Variants in TMTC4 observed in about 807,000 individuals in gnomAD.
The protein encoded by TMTC4 is transmembrane O-mannosyltransferase targeting cadherins 4.
A neutral mutation model predicts 86.0 loss-of-function variants in TMTC4; 65 were observed. That is an observed-to-expected ratio of 0.76 (90% CI 0.62 to 0.93). The LOEUF (loss-of-function observed/expected upper bound fraction) is 0.93. TMTC4 is among the 40% of genes least tolerant of loss of function. The pLI, the probability that TMTC4 is intolerant of heterozygous loss-of-function variation, is 0.00. For synonymous variants in TMTC4, 379 were observed against 382.5 expected, an observed-to-expected ratio of 0.99 and a Z score of 0.11; for missense variants, 866 against 948.1, an observed-to-expected ratio of 0.91 and a Z score of 1.14.
At chr13:100,627,808 T>C (rs1880774296) in intron 12 of TMTC4, among the ~76,000 whole-genome samples, 1 of 152,142 alleles carries the variant, frequency 6.6e-6, no homozygotes, top group Non-Finnish European at 1.5e-5. Context: ...GTCACCACCA[T>C]GTTTATGTTC....
intron 17 of TMTC4, among the ~76,000 whole-genome samples, chr13:100,610,592 A>C (rs1454405319): frequency 1.3e-5 from 2 of 152,202 alleles, no homozygotes; most frequent in Admixed American, 6.5e-5. Context: ...ATTAAAATGC[A>C]AAATGTGTAG....
intron 3 of TMTC4, chr13:100,666,096 C>A (rs1886363357): frequency 2.2e-6 from 1 of 455,988 alleles, no homozygotes; most frequent in Non-Finnish European, 4.4e-6. Flanking sequence ...GGAGCCTCCA[C>A]AGCAGGGTGT....
At chr13:100,672,471 G>A (rs138151163) in intron 1 of TMTC4, among the ~76,000 whole-genome samples, 14 of 152,118 alleles carry the variant, frequency 9.2e-5, no homozygotes, top group African/African-American at 3.4e-4. Flanking sequence ...TGGCAGAGAC[G>A]GGGGACCACC....
At chr13:100,639,789 A>C (rs1882774361) in intron 7 of TMTC4, among the ~76,000 whole-genome samples, 1 of 151,770 alleles carries the variant, frequency 6.6e-6, no homozygotes, top group African/African-American at 2.4e-5. Flanking sequence ...AAAATACAAA[A>C]ATTAGCTGGA....
chr13:100,655,708 T>C (rs1222312993), intron 6 of TMTC4, among the ~76,000 whole-genome samples: 2 of 152,264 alleles, frequency 1.3e-5, no homozygotes, highest in Non-Finnish European at 2.9e-5. Context: ...TCTGCTCAGC[T>C]GTCCCCAAAC....
chr13:100,622,784 A>C (rs1237835304), intron 15 of TMTC4, among the ~76,000 whole-genome samples: 1 of 151,718 alleles, frequency 6.6e-6, no homozygotes, highest in Non-Finnish European at 1.5e-5. Flanking sequence ...TTTTAAATTT[A>C]TTATTATTAT....
Position 100,634,911 on chromosome 13 carries a change from C to G in TMTC4, c.1400G>C (p.Gly467Ala), listed in dbSNP as rs763813272. 6.2e-7 allele frequency: 1 copy of G among 1,614,114 alleles called. No individual in the cohort carries two copies. The highest frequency in any genetic ancestry group is 1.1e-5 in the South Asian group (1 of 91,056). The change falls in exon 12 of 19, where the codon GGA (glycine) becomes GCA (alanine). Residue 467 changes from glycine to alanine, a missense_variant. By Grantham distance (60) the Gly-to-Ala change is moderately conservative (BLOSUM62 0). Transcript: ENST00000342624. ...KKKLIAAVVLGILFINTLRCV... is the reference protein window; with the variant it reads ...KKKLIAAVVLAILFINTLRCV... ...TCTCAGCGTGTTGATGAATAAGATT[C>G]CCAGCACGACAGCGGCAATGAGTTT...
intron 5 of TMTC4, among the ~76,000 whole-genome samples, 192 bp downstream of exon 5, chr13:100,662,772 T>C (rs1183101802): frequency 2.0e-5 from 3 of 152,168 alleles, no homozygotes; most frequent in African/African-American, 7.2e-5. Context: ...CCAGACAGAA[T>C]TGTTTCAAAT....
At chr13:100,653,411 C>T (rs1472759379) in intron 6 of TMTC4, among the ~76,000 whole-genome samples, 1 of 152,050 alleles carries the variant, frequency 6.6e-6, no homozygotes, top group Non-Finnish European at 1.5e-5. Flanking sequence ...AGGGGCTGTT[C>T]TGATGTCGCC....
chr13:100,650,817 A>G (rs1329492556), intron 6 of TMTC4, among the ~76,000 whole-genome samples: 1 of 152,268 alleles, frequency 6.6e-6, no homozygotes, highest in Non-Finnish European at 1.5e-5. Context: ...CCTATCGGAC[A>G]TGAGTTAGCC....
intron 15 of TMTC4, among the ~76,000 whole-genome samples, chr13:100,619,809 T>C (rs1178545624): frequency 6.6e-6 from 1 of 152,228 alleles, no homozygotes; most frequent in African/African-American, 2.4e-5. Flanking sequence ...GATGTTCCAG[T>C]GATTCCTCAG....
chr13:100,674,933 G>A (rs1017084798), upstream of TMTC4: 26 of 985,104 alleles, frequency 2.6e-5, no homozygotes, highest in South Asian at 4.7e-5. Context: ...CGCCCCCTCC[G>A]CCCGACCATT....
intron 5 of TMTC4, among the ~76,000 whole-genome samples, chr13:100,658,332 A>C (rs1158192615): frequency 6.6e-6 from 1 of 152,106 alleles, no homozygotes; most frequent in Non-Finnish European, 1.5e-5. Context: ...GCCCCGGGTG[A>C]GTGAGGAGGC....
chr13:100,607,199 A>G (rs772065099), intron 17 of TMTC4, among the ~76,000 whole-genome samples: 6 of 152,164 alleles, frequency 3.9e-5, no homozygotes, highest in Non-Finnish European at 8.8e-5. Flanking sequence ...CCACCTTCGC[A>G]TTCCTTAAGG....
intron 12 of TMTC4, among the ~76,000 whole-genome samples, chr13:100,632,043 ACACACACACACTCTCTCTCT>A (rs1318945825): frequency 5.9e-5 from 4 of 67,724 alleles, no homozygotes; most frequent in East Asian, 3.3e-4. Context: ...ACACACACAC[ACACACACACACTCTCTCTCT>A]CTCTCTCTCT....
chr13:100,658,940 T>C (rs1004659152), intron 5 of TMTC4, among the ~76,000 whole-genome samples: 3 of 152,216 alleles, frequency 2.0e-5, no homozygotes, highest in Non-Finnish European at 4.4e-5. Flanking sequence ...AGGGACTGTA[T>C]CCAATCACTG....
At chr13:100,652,704 T>A (rs1442211612) in intron 6 of TMTC4, among the ~76,000 whole-genome samples, 1 of 151,880 alleles carries the variant, frequency 6.6e-6, no homozygotes, top group Non-Finnish European at 1.5e-5. Context: ...AAAGAAAGGA[T>A]CCTTACTGAG....
intron 12 of TMTC4, among the ~76,000 whole-genome samples, chr13:100,626,905 G>A (rs1452759952): frequency 6.6e-6 from 1 of 152,202 alleles, no homozygotes; most frequent in East Asian, 1.9e-4. Context: ...TAGGGCCTCT[G>A]GGAAGTGATT....
chr13:100,668,409 G>T, intron 3 of TMTC4, 170 bp downstream of exon 3: 2 of 676,824 alleles, frequency 3.0e-6, no homozygotes, highest in Non-Finnish European at 2.5e-6. Context: ...AATAAGAAAG[G>T]CACTAAATCA....
Sources: allele counts gnomAD v4.1 joint callset (sites outside exome capture counted in the v4.1 genomes callset), GRCh38; gene constraint gnomAD v4.1.1; transcripts MANE v1.5; gene names NCBI Gene and HGNC (gene_info 2026-07-23, HGNC 2026-07-21).